ADAMTS9: variants seen among roughly 807,000 people sequenced by gnomAD.
ADAMTS9 encodes the protein ADAM metallopeptidase with thrombospondin type 1 motif 9.
ADAMTS9 carries 107 observed loss-of-function variants against 257.1 expected under a neutral mutation model. That is an observed-to-expected ratio of 0.42 (90% CI 0.36 to 0.49). ADAMTS9 has a LOEUF of 0.49. Ranked by LOEUF, ADAMTS9 falls within the 20% of genes least tolerant of loss-of-function variation. The pLI is 0.03. For missense variants in ADAMTS9, 2,353 were observed against 2,469.1 expected, an observed-to-expected ratio of 0.95 and a Z score of 1.00; for synonymous variants, 982 against 880.9, an observed-to-expected ratio of 1.11 and a Z score of -2.03.
chr3:64,616,644 A>T (rs1340519775), intron 19 of ADAMTS9, among the ~76,000 whole-genome samples: 1 of 152,220 alleles, frequency 6.6e-6, no homozygotes, highest in African/African-American at 2.4e-5. Context: ...GGGGGGACAC[A>T]GTAGGTATTC....
intron 4 of ADAMTS9, among the ~76,000 whole-genome samples, chr3:64,657,461 G>A (rs752034101): frequency 4.6e-5 from 7 of 151,748 alleles, no homozygotes; most frequent in Non-Finnish European, 1.0e-4. Flanking sequence ...CTCAGCTCCC[G>A]AGCACCTGAG....
intron 26 of ADAMTS9, among the ~76,000 whole-genome samples, chr3:64,600,021 G>A (rs1191450161): frequency 2.0e-5 from 2 of 97,758 alleles, no homozygotes; most frequent in African/African-American, 7.3e-5. Context: ...AGCTTTGTTT[G>A]TTTTTCTTTC....
At chr3:64,646,863 C>T (rs1261128463) in intron 11 of ADAMTS9, among the ~76,000 whole-genome samples, 1 of 152,028 alleles carries the variant, frequency 6.6e-6, no homozygotes, top group Non-Finnish European at 1.5e-5. Flanking sequence ...TGGGGAGGGG[C>T]TGCACCAAAT....
Position 64,541,903 on chromosome 3 carries a change from G to C in ADAMTS9, c.5132C>G (p.Pro1711Arg), listed in dbSNP as rs1559754499. The part of the protein sequence containing the change: ...SVQCLTNEDQ[P>R]SHLCHTDLKP... ...CAGATCAGTGTGGCATAAGTGGCTG[G>C]GTTGGTCCTCATTGGTTAAACATTG... is the stretch of plus-strand genomic sequence containing the variant. Residue 1711 changes from proline to arginine, a missense_variant, in exon 33 of 40, where the codon CCC becomes CGC. Physicochemically the swap from Pro to Arg is moderately radical, Grantham distance 103 (BLOSUM62 -2). Coordinates refer to ENST00000498707, the MANE Select transcript of ADAMTS9 (RefSeq NM_182920.2). 1 of 1,614,136 alleles carries C rather than the reference G, an allele frequency of 6.2e-7. No homozygotes were observed. Among genetic ancestry groups the C allele is most frequent in the Non-Finnish European group, 8.5e-7 (1 of 1,180,010 alleles).
At chr3:64,555,417 G>C (rs562513263) in intron 30 of ADAMTS9, among the ~76,000 whole-genome samples, 3 of 152,244 alleles carry the variant, frequency 2.0e-5, no homozygotes, top group African/African-American at 7.2e-5. Flanking sequence ...AATGAGCCAA[G>C]GTCTATGCTG....
intron 16 of ADAMTS9, among the ~76,000 whole-genome samples, chr3:64,628,962 A>G (rs566851719): frequency 4.0e-5 from 6 of 151,810 alleles, no homozygotes; most frequent in African/African-American, 1.5e-4. Flanking sequence ...GTTGATGACA[A>G]CTCCATCCTT....
At position 64,681,051 on chromosome 3, in the gene ADAMTS9, G is replaced by A. The variant is rs565378084; in HGVS notation, c.679+150C>T. 6.0e-6 allele frequency: 5 copies of A among 839,404 alleles called. No individual in the cohort carries two copies. In the South Asian group the frequency reaches 7.7e-5, roughly 13 times the overall value. The allele number at this position is 839,404 out of a possible 1,614,324, so 52.0% of individuals were successfully genotyped here. On this transcript the variant is annotated intron_variant, in intron 3 of 39. Coordinates refer to ENST00000498707, the MANE Select transcript of ADAMTS9 (RefSeq NM_182920.2). ...TCCTTAGTCTCCACATCTGTACAGTGGGGTATGTATCCCTACATCATTTGA... is the reference window on the plus strand; with the variant it reads ...TCCTTAGTCTCCACATCTGTACAGTAGGGTATGTATCCCTACATCATTTGA...
chr3:64,555,127 C>T (rs1284115650), intron 30 of ADAMTS9, among the ~76,000 whole-genome samples: 18 of 152,100 alleles, frequency 1.2e-4, no homozygotes, highest in Non-Finnish European at 4.4e-5. Flanking sequence ...AGTGTATGGA[C>T]GGCAACTCAC....
intron 32 of ADAMTS9, among the ~76,000 whole-genome samples, chr3:64,543,044 C>G (rs2083147605): frequency 6.6e-6 from 1 of 152,098 alleles, no homozygotes. Flanking sequence ...TGGACACATA[C>G]ACCCTCCCAA....
chr3:64,615,497 A>T lies in ADAMTS9; in HGVS notation c.3025-12T>A. ...CAGCTTTTTGAACACTGTAGGGACA[A>T]AATAAATAAATAAAACTGTTGCTAA... On this transcript the variant is annotated splice_polypyrimidine_tract_variant and intron_variant, in intron 20 of 39. Transcript: ENST00000498707. 1 of 1,588,736 alleles carries T rather than the reference A, an allele frequency of 6.3e-7. No individual in the cohort carries two copies. The highest frequency in any genetic ancestry group is 8.5e-7 in the Non-Finnish European group (1 of 1,170,052).
chr3:64,565,448 G>C (rs1462121236), intron 29 of ADAMTS9: 1 of 152,200 alleles, frequency 6.6e-6, no homozygotes, highest in Admixed American at 6.5e-5. Context: ...TCATGACATT[G>C]CATAGTTTGT....
In ADAMTS9 at chr3:64,568,463, C is replaced by T; in HGVS notation, c.4429G>A (p.Glu1477Lys). 6.2e-7 allele frequency: 1 copy of T among 1,614,142 alleles called. No individual in the cohort carries two copies. Among genetic ancestry groups the T allele is most frequent in the Non-Finnish European group, 8.5e-7 (1 of 1,179,990 alleles). The change falls in exon 29 of 40, where the codon GAA (glutamate) becomes AAA (lysine). Residue 1477 changes from glutamate (E) to lysine (K), a missense_variant. Coordinates refer to ENST00000498707, the MANE Select transcript of ADAMTS9 (RefSeq NM_182920.2). ...YCMAKDGSHL[E>K]SDYCKHLAKP... ...GCCAGGTGCTTACAGTAATCACTTT[C>T]TAAATGGCTTCCATCTTTTGCCATG... is the stretch of plus-strand genomic sequence containing the variant.
chr3:64,678,601 G>C (rs1473436063), intron 3 of ADAMTS9, among the ~76,000 whole-genome samples: 1 of 152,118 alleles, frequency 6.6e-6, no homozygotes, highest in East Asian at 1.9e-4. Flanking sequence ...CTCTTGATTG[G>C]GGGTTGGGAG....
chr3:64,540,601 C>G (rs983848643), intron 36 of ADAMTS9, among the ~76,000 whole-genome samples: 5 of 152,264 alleles, frequency 3.3e-5, no homozygotes, highest in Non-Finnish European at 7.4e-5. Flanking sequence ...CCATGAATTT[C>G]TTGGCTTTGG....
rs78585066 is a variant in ADAMTS9 at position 64,687,048 on chromosome 3, G to C, written c.116-80C>G. On this transcript the variant is annotated intron_variant, in intron 1 of 39. Coordinates refer to ENST00000498707, the MANE Select transcript of ADAMTS9 (RefSeq NM_182920.2). The surrounding 1 kb of genome is among the most constrained non-coding windows in gnomAD (Gnocchi z 4.4). ...AATTTAAAACGAAGGTGGGGACTTT[G>C]TTCTGACCTTATTTTCCAGCCCATT... 7,715 of 1,495,734 alleles carry C rather than the reference G, an allele frequency of 5.2e-3. 334 individuals carry two copies. In the African/African-American group the frequency reaches 0.093, roughly 18 times the overall value. The allele number at this position is 1,495,734 out of a possible 1,614,324, so 92.7% of individuals were successfully genotyped here.
intron 3 of ADAMTS9, among the ~76,000 whole-genome samples, chr3:64,670,274 T>G (rs191993685): frequency 6.6e-6 from 1 of 152,354 alleles, no homozygotes; most frequent in East Asian, 1.9e-4. Context: ...ACCCCTGAGC[T>G]AAGACAACAC....
chr3:64,642,494 G>GC (rs79870215), intron 11 of ADAMTS9, among the ~76,000 whole-genome samples: 53,347 of 152,012 alleles, frequency 0.35, 12,989 homozygotes, highest in East Asian at 0.85. Flanking sequence ...CTCCAGGAAA[G>GC]CGTCAGGATG....
At position 64,592,562 on chromosome 3, in the gene ADAMTS9, T is replaced by C. The variant is rs987500600; in HGVS notation, c.4356+1696A>G. 3.3e-5 allele frequency: 5 copies of C among 152,206 alleles called. No homozygotes were observed. The South Asian group carries it at 6.2e-4, about 19-fold the overall frequency. The allele number at this position is 152,206 out of a possible 1,614,324, so 9.4% of individuals were successfully genotyped here. A position where few individuals can be genotyped will look rare whatever the true frequency, so the allele number is the denominator to read the frequency against. On this transcript the variant is annotated intron_variant, in intron 28 of 39. Transcript: ENST00000498707. ...AAAGTGTTTAAGGAAGAGAATACCA[T>C]GGAAATTAATTTATAATTCTCTAAG... is the stretch of plus-strand genomic sequence containing the variant.
intron 12 of ADAMTS9, among the ~76,000 whole-genome samples, chr3:64,640,807 TA>T (rs1424642643): frequency 6.6e-6 from 1 of 152,220 alleles, no homozygotes; most frequent in Non-Finnish European, 1.5e-5. Flanking sequence ...GATAGCAATT[TA>T]TTATCTATAA....
Sources: allele counts gnomAD v4.1 joint callset (sites outside exome capture counted in the v4.1 genomes callset), GRCh38; gene constraint gnomAD v4.1.1; non-coding constraint Gnocchi (gnomAD v3.1); transcripts MANE v1.5; gene names NCBI Gene and HGNC (gene_info 2026-07-23, HGNC 2026-07-21).